ARHGAP10: variants seen among roughly 807,000 people sequenced by gnomAD.
ARHGAP10 encodes Rho GTPase activating protein 10.
A neutral mutation model predicts 108.6 loss-of-function variants in ARHGAP10; 87 were observed. The ratio of observed to expected loss-of-function variants is 0.80; its 90% CI spans 0.67 to 0.96. The LOEUF is 0.96. ARHGAP10 is among the 40% of genes least tolerant of loss of function. ARHGAP10 has a pLI of 0.00. For synonymous variants in ARHGAP10, 347 were observed against 341.1 expected (o/e 1.02, Z -0.19); for missense variants, 939 against 954.5 (o/e 0.98, Z 0.21).
Position 147,857,664 on chromosome 4 carries a change from T to A in ARHGAP10, c.486+10T>A. 1 of 1,445,418 alleles carries A rather than the reference T, an allele frequency of 6.9e-7. No individual in the cohort carries two copies. The highest frequency in any genetic ancestry group is 9.1e-7 in the Non-Finnish European group (1 of 1,096,742). The allele number at this position is 1,445,418 out of a possible 1,614,324, so 89.5% of individuals were successfully genotyped here. ...CTCACATTTACAAGAGGTATAATTTTTTATTTTTCTGTTACGTTTTCAAAA... is the reference window on the plus strand; with the variant it reads ...CTCACATTTACAAGAGGTATAATTTATTATTTTTCTGTTACGTTTTCAAAA... On this transcript the variant is annotated intron_variant, in intron 5 of 22. Transcript: ENST00000336498.
intron 1 of ARHGAP10, among the ~76,000 whole-genome samples, chr4:147,806,113 G>A (rs1265148935): frequency 1.3e-5 from 2 of 151,864 alleles, no homozygotes; most frequent in Non-Finnish European, 2.9e-5. Flanking sequence ...ACATACTGAC[G>A]GAGCTGAGTG....
intron 4 of ARHGAP10, among the ~76,000 whole-genome samples, chr4:147,850,704 G>GT (rs1733846273): frequency 6.6e-6 from 1 of 152,206 alleles, no homozygotes; most frequent in Non-Finnish European, 1.5e-5. Context: ...CTTGAATTCA[G>GT]TGAGACCAAG....
intron 7 of ARHGAP10, among the ~76,000 whole-genome samples, chr4:147,873,681 A>AACACACACACACACACACACAC (rs67852364): frequency 0.037 from 3,639 of 98,614 alleles, 208 homozygotes; most frequent in East Asian, 0.048. Flanking sequence ...CAAAAAACAA[A>AACACACACACACACACACACAC]ACACACACAC....
At chr4:147,943,837 G>A (rs1364717990) in intron 14 of ARHGAP10, among the ~76,000 whole-genome samples, 1 of 152,172 alleles carries the variant, frequency 6.6e-6, no homozygotes, top group Non-Finnish European at 1.5e-5. Context: ...GGATGATTGA[G>A]CTATTTGAAA....
At chr4:147,941,495 A>T (rs1425683172) in intron 14 of ARHGAP10, among the ~76,000 whole-genome samples, 2 of 152,192 alleles carry the variant, frequency 1.3e-5, no homozygotes, top group Non-Finnish European at 2.9e-5. Context: ...TTTACTTTTC[A>T]TGGGCCTCAG....
intron 18 of ARHGAP10, among the ~76,000 whole-genome samples, chr4:147,983,168 C>T (rs1241017257): frequency 2.7e-5 from 4 of 149,640 alleles, no homozygotes; most frequent in Non-Finnish European, 3.0e-5. Context: ...AGGCATGAGC[C>T]ATGGTGCCTG....
chr4:148,061,456 C>T (rs1217999415), intron 20 of ARHGAP10, among the ~76,000 whole-genome samples: 1 of 150,906 alleles, frequency 6.6e-6, no homozygotes, highest in South Asian at 2.1e-4. Context: ...ATTCAGCGTT[C>T]CTTTTCTGCT....
At chr4:147,804,083 G>C (rs1459907687) in intron 1 of ARHGAP10, among the ~76,000 whole-genome samples, 1 of 151,222 alleles carries the variant, frequency 6.6e-6, no homozygotes, top group Non-Finnish European at 1.5e-5. Flanking sequence ...TTGGTGTACA[G>C]ATTATTTTGT....
intron 1 of ARHGAP10, among the ~76,000 whole-genome samples, chr4:147,814,230 TATC>T (rs1214002527): frequency 6.6e-6 from 1 of 152,148 alleles, no homozygotes; most frequent in Non-Finnish European, 1.5e-5. Context: ...ATTTAGTTCT[TATC>T]ATCGTGGCTT....
intron 13 of ARHGAP10, among the ~76,000 whole-genome samples, chr4:147,922,042 C>T (rs759867522): frequency 2.0e-5 from 3 of 152,086 alleles, no homozygotes; most frequent in Admixed American, 6.5e-5. Context: ...CCTGCACCTC[C>T]GACATCTCTC....
At chr4:147,742,180 T>A (rs1317758660) in intron 1 of ARHGAP10, among the ~76,000 whole-genome samples, 1 of 152,102 alleles carries the variant, frequency 6.6e-6, no homozygotes. Flanking sequence ...AGTGCTTTCT[T>A]TTCTGACTGT....
intron 19 of ARHGAP10, among the ~76,000 whole-genome samples, chr4:148,025,070 A>G (rs866057710): frequency 1.3e-5 from 2 of 152,228 alleles, no homozygotes. Context: ...TATTTAGTGG[A>G]TTAACCTTTT....
chr4:148,066,560 A>G (rs1281794137), intron 22 of ARHGAP10, among the ~76,000 whole-genome samples: 3 of 152,250 alleles, frequency 2.0e-5, no homozygotes, highest in Non-Finnish European at 4.4e-5. Context: ...GTACACACGT[A>G]CACATACATA....
At chr4:147,966,879 T>G in intron 18 of ARHGAP10, 40 bp downstream of exon 18, 2 of 1,504,600 alleles carry the variant, frequency 1.3e-6, no homozygotes, top group Non-Finnish European at 1.8e-6. Flanking sequence ...TGTTTTCGGC[T>G]TGTCGCCATG....
chr4:148,025,276 A>G (rs1306622185), intron 19 of ARHGAP10, among the ~76,000 whole-genome samples: 1 of 151,834 alleles, frequency 6.6e-6, no homozygotes, highest in Non-Finnish European at 1.5e-5. Flanking sequence ...TCTGGTTTTT[A>G]TGTTCATTAT....
chr4:148,001,528 G>A (rs1234170091), intron 18 of ARHGAP10, among the ~76,000 whole-genome samples: 1 of 151,990 alleles, frequency 6.6e-6, no homozygotes, highest in Non-Finnish European at 1.5e-5. Flanking sequence ...TCACGATATT[G>A]ATTCTTCCTA....
intron 1 of ARHGAP10, among the ~76,000 whole-genome samples, chr4:147,786,972 C>G (rs1730915243): frequency 6.6e-6 from 1 of 152,212 alleles, no homozygotes; most frequent in East Asian, 1.9e-4. Context: ...TTTCTTATCT[C>G]CACCTCTTGG....
Position 147,953,462 on chromosome 4 carries a change from C to A in ARHGAP10, c.1392-1854C>A, listed in dbSNP as rs772275789. Reference sequence around the variant, plus strand: ...ATAGGACTACTCAGGTTATCTGTTTCTTCTTGAGCGAACTTTGGTAGTCTG... The same window carrying A: ...ATAGGACTACTCAGGTTATCTGTTTATTCTTGAGCGAACTTTGGTAGTCTG... On this transcript the variant is annotated intron_variant, in intron 15 of 22. Coordinates refer to ENST00000336498, the MANE Select transcript of ARHGAP10 (RefSeq NM_024605.4). Among the ~76,000 whole-genome samples, 65 of 152,148 alleles carry A rather than the reference C, an allele frequency of 4.3e-4. 1 individual carries two copies. Among genetic ancestry groups the A allele is most frequent in the South Asian group, 8.3e-4 (4 of 4,822 alleles).
intron 1 of ARHGAP10, among the ~76,000 whole-genome samples, chr4:147,736,199 G>A (rs1209458112): frequency 6.6e-6 from 1 of 151,654 alleles, no homozygotes; most frequent in Non-Finnish European, 1.5e-5. Context: ...TACTAAACAT[G>A]CATGGAAAAG....
Sources: gnomAD v4.1 joint callset for allele counts (sites outside exome capture counted in the v4.1 genomes callset) on GRCh38, gnomAD v4.1.1 for gene constraint, MANE v1.5 for transcripts, NCBI Gene and HGNC (gene_info 2026-07-23, HGNC 2026-07-21) for gene names.